DNMT3A: variants seen among roughly 807,000 people sequenced by gnomAD.
The protein encoded by DNMT3A is DNA methyltransferase 3 alpha.
Under a neutral mutation model 117.6 loss-of-function variants are expected in DNMT3A, and 267 were observed. The observed-to-expected ratio is 2.27, with a 90% CI of 2.05 to 2.51. DNMT3A has a LOEUF of 2.51. Among genes scored for constraint, DNMT3A ranks in the 30% most tolerant of loss-of-function variants. The pLI, the probability that DNMT3A is intolerant of heterozygous loss-of-function variation, is 0.00. For synonymous variants in DNMT3A, 432 were observed against 474.8 expected (o/e 0.91, Z 1.17); for missense variants, 1,029 against 1,260.2 (o/e 0.82, Z 2.78).
At position 25,234,885 on chromosome 2, in the gene DNMT3A, G is replaced by A. The variant is rs1270807989; in HGVS notation, c.2598-465C>T. 6.6e-6 allele frequency among the ~76,000 whole-genome samples: 1 copy of A among 152,152 alleles called. No individual in the cohort carries two copies. The highest frequency in any genetic ancestry group is 1.5e-5 in the Non-Finnish European group (1 of 68,024). On this transcript the variant is annotated intron_variant, in intron 22 of 22. Coordinates refer to ENST00000321117, the MANE Select transcript of DNMT3A (RefSeq NM_022552.5). The surrounding 1 kb of genome is among the most constrained non-coding windows in gnomAD (Gnocchi z 4.5). ...AAGGCGAAAAAGGAGCCGAACTCCT[G>A]CCTGACTTCAGAAGCTGAAGGATTT...
chr2:25,331,656 G>A (rs1045988212), intron 1 of DNMT3A, among the ~76,000 whole-genome samples: 1 of 152,152 alleles, frequency 6.6e-6, no homozygotes, highest in African/African-American at 2.4e-5. Context: ...GCAAGGGTGC[G>A]AGCACCTTCC....
In DNMT3A at chr2:25,289,363, G is replaced by A. The variant is rs56004211; in HGVS notation, c.178-6652C>T. On this transcript the variant is annotated intron_variant, in intron 3 of 22. Coordinates refer to ENST00000321117, the MANE Select transcript of DNMT3A (RefSeq NM_022552.5). ...GATCCATCCGCCTCAGCCTCCCAAA[G>A]TGCTGGGATTACAGGCGTGAGCCAC... Among the ~76,000 whole-genome samples, 229 of 152,264 alleles carry A rather than the reference G, an allele frequency of 1.5e-3. 2 individuals are homozygous for A. Among genetic ancestry groups the A allele is most frequent in the African/African-American group, 5.3e-3 (219 of 41,544 alleles).
At chr2:25,245,194 A>G in intron 13 of DNMT3A, 59 bp downstream of exon 13, 1 of 1,532,208 alleles carries the variant, frequency 6.5e-7, no homozygotes, top group Non-Finnish European at 9.0e-7. Flanking sequence ...GGACACAGTC[A>G]GCCAGAAGGC....
chr2:25,292,566 C>G (rs1241583953), intron 3 of DNMT3A, among the ~76,000 whole-genome samples: 1 of 152,120 alleles, frequency 6.6e-6, no homozygotes, highest in Non-Finnish European at 1.5e-5. Flanking sequence ...CCCTCTGCCC[C>G]CCAGCTGTGC....
At chr2:25,289,603 G>A (rs902871193) in intron 3 of DNMT3A, among the ~76,000 whole-genome samples, 10 of 152,180 alleles carry the variant, frequency 6.6e-5, no homozygotes, top group East Asian at 5.8e-4. Flanking sequence ...AGGTACAGGC[G>A]AGGCATTTGA....
chr2:25,278,017 AC>A (rs1289682060), intron 4 of DNMT3A, among the ~76,000 whole-genome samples: 1 of 81,396 alleles, frequency 1.2e-5, no homozygotes, highest in Non-Finnish European at 2.8e-5. Flanking sequence ...ACACACACAC[AC>A]ACACACACAC....
intron 1 of DNMT3A, among the ~76,000 whole-genome samples, chr2:25,323,383 C>T (rs1314748636): frequency 2.0e-5 from 3 of 152,202 alleles, no homozygotes; most frequent in Non-Finnish European, 4.4e-5. Context: ...TGGTATGAGT[C>T]TATGACTTGT....
At chr2:25,324,247 C>T (rs941959801) in intron 1 of DNMT3A, among the ~76,000 whole-genome samples, 6 of 152,212 alleles carry the variant, frequency 3.9e-5, no homozygotes, top group African/African-American at 1.4e-4. Flanking sequence ...GGAACATGCA[C>T]TATCCTCAAT....
intron 22 of DNMT3A, among the ~76,000 whole-genome samples, chr2:25,235,028 T>C (rs1263971692): frequency 6.6e-6 from 1 of 152,150 alleles, no homozygotes; most frequent in Non-Finnish European, 1.5e-5. Context: ...AATCAGGGTG[T>C]TGAGGCTGCG....
chr2:25,305,405 G>A lies in DNMT3A; in HGVS notation c.73-5162C>T, dbSNP rs1479054564. Among the ~76,000 whole-genome samples, 5 of 152,148 alleles carry A rather than the reference G, an allele frequency of 3.3e-5. No homozygotes were observed. The highest frequency in any genetic ancestry group is 7.2e-5 in the African/African-American group (3 of 41,412). On this transcript the variant is annotated intron_variant, in intron 2 of 22. Coordinates refer to ENST00000321117, the MANE Select transcript of DNMT3A (RefSeq NM_022552.5). The surrounding 1 kb of genome is among the most constrained non-coding windows in gnomAD (Gnocchi z 4.1). Reference sequence around the variant, plus strand: ...TGGATTATTTTAAGCCATATACAACGTCTCATTCTGATGCGCTGGGCTATG... The same window carrying A: ...TGGATTATTTTAAGCCATATACAACATCTCATTCTGATGCGCTGGGCTATG...
chr2:25,261,461 G>GCCAGAGGTGGGGGCGGACA (rs1676598531), intron 6 of DNMT3A, among the ~76,000 whole-genome samples: 2 of 62,852 alleles, frequency 3.2e-5, no homozygotes, highest in East Asian at 7.4e-4. Context: ...AAAAAAAAAA[G>GCCAGAGGTGGGGGCGGACA]CCAGAGGTGG....
chr2:25,318,702 T>TC (rs1486829519), intron 1 of DNMT3A, among the ~76,000 whole-genome samples: 2 of 148,594 alleles, frequency 1.3e-5, no homozygotes, highest in African/African-American at 2.5e-5. Context: ...TCTTTTCTTT[T>TC]TTTTTTTTTT....
chr2:25,245,601 T>A (rs146839318), intron 12 of DNMT3A, among the ~76,000 whole-genome samples: 1 of 152,196 alleles, frequency 6.6e-6, no homozygotes, highest in Admixed American at 6.5e-5. Context: ...GGTTCCAGGT[T>A]ACTCAGGAGG....
rs976072386 is a variant in DNMT3A, at chr2:25,306,383, C to T, written c.73-6140G>A. On this transcript the variant is annotated intron_variant, in intron 2 of 22. Coordinates refer to ENST00000321117, the MANE Select transcript of DNMT3A (RefSeq NM_022552.5). The surrounding 1 kb of genome is among the most constrained non-coding windows in gnomAD (Gnocchi z 4.1). ...TTTATTTCAATTATTCAACAATATCCGACAAGTAACCATTGACTGCTTAGG... is the reference window on the plus strand; with the variant it reads ...TTTATTTCAATTATTCAACAATATCTGACAAGTAACCATTGACTGCTTAGG... 4.6e-5 allele frequency among the ~76,000 whole-genome samples: 7 copies of T among 152,148 alleles called. No individual in the cohort carries two copies. Among genetic ancestry groups the T allele is most frequent in the African/African-American group, 1.4e-4 (6 of 41,408 alleles).
In DNMT3A at chr2:25,241,595, G is replaced by T; in HGVS notation, c.2049C>A (p.Tyr683Ter). 1.2e-6 allele frequency: 2 copies of T among 1,613,492 alleles called. No individual in the cohort carries two copies. Among genetic ancestry groups the T allele is most frequent in the East Asian group, 2.2e-5 (1 of 44,798 alleles). ...GTGTGACGCTGCGGACGTCCCCGAC[G>T]TACATGATCTTCCCCTGGTGCCGCA... The part of the protein sequence containing the change: ...GMVRHQGKIM[Y>*]VGDVRSVTQK... The change falls in exon 17 of 23, where the codon TAC becomes TAA. Residue 683 changes from tyrosine to a stop codon, truncating the protein, a stop_gained. Coordinates refer to ENST00000321117, the MANE Select transcript of DNMT3A (RefSeq NM_022552.5). LOFTEE classifies it high-confidence loss of function.
At chr2:25,338,532 G>A (rs2035295554) in intron 1 of DNMT3A, among the ~76,000 whole-genome samples, 1 of 152,174 alleles carries the variant, frequency 6.6e-6, no homozygotes, top group Non-Finnish European at 1.5e-5. Flanking sequence ...AGGGGGAAGG[G>A]AGCCCAGCAC....
chr2:25,239,086 C>T (rs1365399804), intron 20 of DNMT3A, 44 bp downstream of exon 20: 8 of 1,581,502 alleles, frequency 5.1e-6, no homozygotes, highest in Non-Finnish European at 6.9e-6. Context: ...ATCCCACCTG[C>T]AGTCCCAGCC....
At chr2:25,242,392 C>T (rs1013320601) in intron 16 of DNMT3A, among the ~76,000 whole-genome samples, 1 of 152,108 alleles carries the variant, frequency 6.6e-6, no homozygotes, top group African/African-American at 2.4e-5. Flanking sequence ...GAGCAGATCC[C>T]GAGAGGGTCT....
In DNMT3A at chr2:25,247,825, C is replaced by T. The variant is rs1675015021; in HGVS notation, c.856-76G>A. The T allele has an allele frequency of 6.4e-7, 1 of 1,570,276 alleles. No individual in the cohort carries two copies. Among genetic ancestry groups the T allele is most frequent in the Non-Finnish European group, 8.6e-7 (1 of 1,162,582 alleles). On this transcript the variant is annotated intron_variant, in intron 7 of 22. Transcript: ENST00000321117. The surrounding 1 kb of genome is among the most constrained non-coding windows in gnomAD (Gnocchi z 5.6). ...CACCCTGATCCCCCCATGGCAACCC[C>T]AGCCCTGGGCATCTGGGGGGCAGGA...
Sources: allele counts gnomAD v4.1 joint callset (sites outside exome capture counted in the v4.1 genomes callset), GRCh38; gene constraint gnomAD v4.1.1; non-coding constraint Gnocchi (gnomAD v3.1); transcripts MANE v1.5; gene names NCBI Gene and HGNC (gene_info 2026-07-23, HGNC 2026-07-21).